MED22: variants seen among roughly 807,000 people sequenced by gnomAD.
The protein encoded by MED22 is mediator complex subunit 22.
MED22 carries 22 observed loss-of-function variants against 22.7 expected under a neutral mutation model. The observed-to-expected ratio is 0.97, with a 90% CI of 0.69 to 1.38. The LOEUF is 1.38. Among genes scored for constraint, MED22 ranks in the 40% most tolerant of loss-of-function variants. The pLI, the probability that MED22 is intolerant of heterozygous loss-of-function variation, is 0.00. For missense variants in MED22, 247 were observed against 263.0 expected (o/e 0.94, Z 0.42); for synonymous variants, 134 against 119.4 (o/e 1.12, Z -0.80).
intron 3 of MED22, 65 bp from the exon 4 acceptor site, chr9:133,344,398 C>A: frequency 6.4e-7 from 1 of 1,552,300 alleles, no homozygotes; most frequent in Non-Finnish European, 8.8e-7. Flanking sequence ...CTACAAGTAG[C>A]TGATGCTGGG....
intron 2 of MED22, chr9:133,346,318 G>A: frequency 1.8e-6 from 1 of 567,350 alleles, no homozygotes; most frequent in Non-Finnish European, 3.1e-6. Context: ...CCACCATGCA[G>A]GAGAAACTGA....
In MED22 at chr9:133,344,604, C is replaced by T. The variant is rs2129962283; in HGVS notation, c.205-271G>A. 8.4e-4 allele frequency among the ~76,000 whole-genome samples: 128 copies of T among 152,328 alleles called. 1 individual carries two copies. The highest frequency in any genetic ancestry group is 3.0e-3 in the African/African-American group (125 of 41,562). On this transcript the variant is annotated intron_variant, in intron 3 of 4. Coordinates refer to ENST00000343730, the MANE Select transcript of MED22 (RefSeq NM_133640.5). ...CCTCCAGTCCAATTATGCAGGTGTA[C>T]ATTCTGCTCATGAAAAACTCAAACC...
rs2129959356 is a variant in MED22 at position 133,344,113 on chromosome 9, C to T, written c.413+12G>A. 10 of 1,613,888 alleles carry T rather than the reference C, an allele frequency of 6.2e-6. No homozygotes were observed. The highest frequency in any genetic ancestry group is 2.2e-5 in the East Asian group (1 of 44,874). On this transcript the variant is annotated intron_variant, in intron 4 of 4. Transcript: ENST00000343730. The stretch of plus-strand genomic sequence containing the variant: ...CTCCCGCTCTGCATGGGGAGTCCAG[C>T]GCTATTTATACCTGGACGAGTAATA...
chr9:133,339,666 C>T lies in MED22; in HGVS notation c.*1839G>A. 1 of 345,538 alleles carries T rather than the reference C, an allele frequency of 2.9e-6. No homozygotes were observed. Among genetic ancestry groups the T allele is most frequent in the East Asian group, 6.8e-5 (1 of 14,648 alleles). 21.4% of individuals were successfully genotyped at this position (345,538 alleles called of 1,614,324 possible). A position where few individuals can be genotyped will look rare whatever the true frequency, so the allele number is the denominator to read the frequency against. ...CTGACAAGTACTTCCATGAGTTCCA[C>T]TGCCCTCAAAATAAAAAGCTTGGGA... On this transcript the variant is annotated 3_prime_UTR_variant, in exon 5 of 5. Coordinates refer to ENST00000343730, the MANE Select transcript of MED22 (RefSeq NM_133640.5).
rs1836013985 is a variant in MED22, at chr9:133,341,806, C to A, written c.414-112G>T. On this transcript the variant is annotated intron_variant, in intron 4 of 4. Coordinates refer to ENST00000343730, the MANE Select transcript of MED22 (RefSeq NM_133640.5). ...TAAGAAAACACGACCACACCCCAGACCTGCCTTTCCCTTTCTCCACTCCTG... is the reference window on the plus strand; with the variant it reads ...TAAGAAAACACGACCACACCCCAGAACTGCCTTTCCCTTTCTCCACTCCTG... 10 of 1,469,316 alleles carry A rather than the reference C, an allele frequency of 6.8e-6. No individual in the cohort carries two copies. The South Asian group carries it at 1.4e-4, about 21-fold the overall frequency. The allele number at this position is 1,469,316 out of a possible 1,614,324, so 91.0% of individuals were successfully genotyped here. A position where few individuals can be genotyped will look rare whatever the true frequency, so the allele number is the denominator to read the frequency against.
intron 1 of MED22, among the ~76,000 whole-genome samples, chr9:133,346,936 G>C (rs1354016251): frequency 6.6e-6 from 1 of 152,160 alleles, no homozygotes; most frequent in East Asian, 1.9e-4. Flanking sequence ...TCCAAGCCCT[G>C]TCCAGGGCTC....
At chr9:133,343,461 A>G (rs1205347396) in intron 4 of MED22, 2 of 1,229,370 alleles carry the variant, frequency 1.6e-6, no homozygotes, top group Non-Finnish European at 2.0e-6. Context: ...GGAGCCCCAC[A>G]AGGGTCAGGA....
In MED22 at chr9:133,345,158, C is replaced by A. The variant is rs2129963874; in HGVS notation, c.204+14G>T. On this transcript the variant is annotated intron_variant, in intron 3 of 4. Transcript: ENST00000343730. ...CTTGGAGCCCAGGCCGTGCCCTCCA[C>A]CCTGGCCACTCACGATGTTGGCGGC... is the stretch of plus-strand genomic sequence containing the variant. The A allele has an allele frequency of 3.7e-6, 6 of 1,613,456 alleles. No homozygotes were observed. Among genetic ancestry groups the A allele is most frequent in the Non-Finnish European group, 5.1e-6 (6 of 1,179,832 alleles).
chr9:133,341,427 G>A lies in MED22; in HGVS notation c.*78C>T. 1.4e-6 allele frequency: 2 copies of A among 1,386,660 alleles called. No individual in the cohort carries two copies. The highest frequency in any genetic ancestry group is 9.4e-7 in the Non-Finnish European group (1 of 1,067,046). The allele number at this position is 1,386,660 out of a possible 1,614,324, so 85.9% of individuals were successfully genotyped here. On this transcript the variant is annotated 3_prime_UTR_variant, in exon 5 of 5. Transcript: ENST00000343730. ...AAGTCCCCAAATGGGAACCTAGGCTGAGAGAAGCAAGGCTGTGAGGGCATC... is the reference window on the plus strand; with the variant it reads ...AAGTCCCCAAATGGGAACCTAGGCTAAGAGAAGCAAGGCTGTGAGGGCATC...
At chr9:133,343,338 G>C (rs906612146) in intron 4 of MED22, 4 of 1,230,314 alleles carry the variant, frequency 3.3e-6, no homozygotes, top group Middle Eastern at 3.1e-4. Flanking sequence ...TAATGGGGCA[G>C]AGTGGAAGGC....
Position 133,339,458 on chromosome 9 carries a change from T to C in MED22, c.*2047A>G, listed in dbSNP as rs1209511786. 4 of 743,264 alleles carry C rather than the reference T, an allele frequency of 5.4e-6. No individual in the cohort carries two copies. The highest frequency in any genetic ancestry group is 9.9e-6 in the Non-Finnish European group (4 of 403,152). The allele number at this position is 743,264 out of a possible 1,614,324, so 46.0% of individuals were successfully genotyped here. On this transcript the variant is annotated 3_prime_UTR_variant, in exon 5 of 5. Coordinates refer to ENST00000343730, the MANE Select transcript of MED22 (RefSeq NM_133640.5). The stretch of plus-strand genomic sequence containing the variant: ...CTGGAACCTCTTCCCTATGAATTCA[T>C]GGCATCGTGGGTGTTAAAAAAATAA...
Position 133,341,257 on chromosome 9 carries a change from A to G in MED22, c.*248T>C, listed in dbSNP as rs1267673155. The stretch of plus-strand genomic sequence containing the variant: ...GAAACTTTCTTCCACCTGGCTGGCC[A>G]GGAAGGCAGCAAACAGAGATGATGA... On this transcript the variant is annotated 3_prime_UTR_variant, in exon 5 of 5. Coordinates refer to ENST00000343730, the MANE Select transcript of MED22 (RefSeq NM_133640.5). The G allele has an allele frequency of 4.9e-6, 2 of 412,140 alleles. No individual in the cohort carries two copies. The highest frequency in any genetic ancestry group is 4.2e-6 in the Non-Finnish European group (1 of 236,316). The allele number at this position is 412,140 out of a possible 1,614,324, so 25.5% of individuals were successfully genotyped here. A position where few individuals can be genotyped will look rare whatever the true frequency, so the allele number is the denominator to read the frequency against.
intron 2 of MED22, among the ~76,000 whole-genome samples, chr9:133,345,502 G>A (rs2129965598): frequency 1.2e-4 from 19 of 152,200 alleles, no homozygotes; most frequent in African/African-American, 4.6e-4. Context: ...GGCAACCCAC[G>A]CTGCTTGCTG....
Position 133,344,371 on chromosome 9 carries a change from G to T in MED22, c.205-38C>A, listed in dbSNP as rs2129961681. The T allele has an allele frequency of 4.3e-3, 6,938 of 1,607,574 alleles. 65 individuals carry two copies. Among genetic ancestry groups the T allele is most frequent in the African/African-American group, 0.035 (2,622 of 74,936 alleles). On this transcript the variant is annotated intron_variant, in intron 3 of 4. Coordinates refer to ENST00000343730, the MANE Select transcript of MED22 (RefSeq NM_133640.5). ...GAACCAGGGCGGGCACAGGGTGAGG[G>T]GGGACAGCGGCCTTGCCTACAAGTA...
In MED22 at chr9:133,339,017, G is replaced by C. The variant is rs2129942049; in HGVS notation, c.*2488C>G. 7 of 837,018 alleles carry C rather than the reference G, an allele frequency of 8.4e-6. No homozygotes were observed. The highest frequency in any genetic ancestry group is 5.9e-6 in the Non-Finnish European group (3 of 504,272). 51.8% of individuals were successfully genotyped at this position (837,018 alleles called of 1,614,324 possible). ...GACGAACACAAAGGGAAAGAGGAGA[G>C]GCACCCAATATATGTTCTCTAGGCC... is the stretch of plus-strand genomic sequence containing the variant. On this transcript the variant is annotated 3_prime_UTR_variant, in exon 5 of 5. Transcript: ENST00000343730.
At chr9:133,343,648 A>G in intron 4 of MED22, 1 of 1,249,956 alleles carries the variant, frequency 8.0e-7, no homozygotes, top group South Asian at 3.8e-5. Context: ...CTGCCTCCAC[A>G]CTGGGGTTTG....
At position 133,348,061 on chromosome 9, in the gene MED22, G is replaced by T; in HGVS notation, c.-178C>A. 1.2e-6 allele frequency: 1 copy of T among 810,204 alleles called. No individual in the cohort carries two copies. The highest frequency in any genetic ancestry group is 1.7e-5 in the African/African-American group (1 of 58,596). 50.2% of individuals were successfully genotyped at this position (810,204 alleles called of 1,614,324 possible). A position where few individuals can be genotyped will look rare whatever the true frequency, so the allele number is the denominator to read the frequency against. On this transcript the variant is annotated 5_prime_UTR_variant, in exon 1 of 5. Coordinates refer to ENST00000343730, the MANE Select transcript of MED22 (RefSeq NM_133640.5). ...CGCCGCAGTCTCTCTTCCCCGCCGC[G>T]CCGCGGTCCGAAAACCTAGTCAGCC...
At chr9:133,345,857 G>C (rs1178364518) in intron 2 of MED22, among the ~76,000 whole-genome samples, 1 of 152,192 alleles carries the variant, frequency 6.6e-6, no homozygotes, top group South Asian at 2.1e-4. Context: ...CCCAGACTTC[G>C]TGGGTTCAAA....
chr9:133,344,277 G>C lies in MED22; in HGVS notation c.261C>G (p.Ile87Met), dbSNP rs2129961203. The C allele has an allele frequency of 6.2e-7, 1 of 1,614,214 alleles. No individual in the cohort carries two copies. The highest frequency in any genetic ancestry group is 1.7e-5 in the Admixed American group (1 of 60,026). Reference protein sequence around the residue: ...KLVSDLKQFLILNDFPSVNEA... With the variant: ...KLVSDLKQFLMLNDFPSVNEA... ...CGTTCACGGAGGGGAAGTCATTGAG[G>C]ATCAGGAACTGCTTGAGGTCGGACA... Residue 87 changes from isoleucine (I) to methionine (M), a missense_variant, in exon 4 of 5, where the codon ATC becomes ATG. By Grantham distance (10) the Ile-to-Met change is conservative. Transcript: ENST00000343730.
Sources: gnomAD v4.1 joint callset for allele counts (sites outside exome capture counted in the v4.1 genomes callset) on GRCh38, gnomAD v4.1.1 for gene constraint, MANE v1.5 for transcripts, NCBI Gene and HGNC (gene_info 2026-07-23, HGNC 2026-07-21) for gene names.